The following MYO16 variants were observed in gnomAD, a reference collection of about 807,000 sequenced individuals.
The protein encoded by MYO16 is unconventional myosin-XVI.
MYO16 carries 94 observed loss-of-function variants against 205.3 expected under a neutral mutation model. That is an observed-to-expected ratio of 0.46 (90% CI 0.39 to 0.54). MYO16 has a LOEUF of 0.54. Ranked by LOEUF, MYO16 falls within the 20% of genes least tolerant of loss-of-function variation. The pLI, the probability that MYO16 is intolerant of heterozygous loss-of-function variation, is 0.00. For synonymous variants in MYO16, 988 were observed against 954.0 expected (o/e 1.04, Z -0.66); for missense variants, 2,315 against 2,387.5 (o/e 0.97, Z 0.63).
intron 32 of MYO16, among the ~76,000 whole-genome samples, chr13:109,149,844 A>C (rs965160278): frequency 6.6e-6 from 1 of 151,624 alleles, no homozygotes; most frequent in Non-Finnish European, 1.5e-5. Context: ...CACATCCAAA[A>C]CTCGTGTCTC....
chr13:109,166,135 A>G (rs1252861093), intron 33 of MYO16, among the ~76,000 whole-genome samples: 2 of 152,350 alleles, frequency 1.3e-5, no homozygotes, highest in East Asian at 1.9e-4. Context: ...ACGGCAGCCA[A>G]TTGCAATATG....
intron 21 of MYO16, among the ~76,000 whole-genome samples, chr13:109,007,182 A>G (rs1341760169): frequency 6.6e-6 from 1 of 152,056 alleles, no homozygotes; most frequent in African/African-American, 2.4e-5. Context: ...AGGTCAGGAG[A>G]TCTAGACCAA....
At chr13:108,682,250 A>T (rs1882491680) in intron 2 of MYO16, among the ~76,000 whole-genome samples, 1 of 152,228 alleles carries the variant, frequency 6.6e-6, no homozygotes, top group South Asian at 2.1e-4. Flanking sequence ...TCTGTTGAGA[A>T]ACATGATGAA....
chr13:108,503,120 G>A, the MYO16 span, among the ~76,000 whole-genome samples: 2 of 152,010 alleles, frequency 1.3e-5, no homozygotes, highest in African/African-American at 4.8e-5. Context: ...TGATATATGG[G>A]GTTTCCCTAA....
At chr13:108,501,556 T>A in the MYO16 span, among the ~76,000 whole-genome samples, 1 of 152,228 alleles carries the variant, frequency 6.6e-6, no homozygotes, top group Non-Finnish European at 1.5e-5. Context: ...AAGGTCTGAT[T>A]ATTTTCCCTG....
chr13:108,847,978 T>G (rs1201416834), intron 10 of MYO16, among the ~76,000 whole-genome samples: 1 of 152,194 alleles, frequency 6.6e-6, no homozygotes, highest in Non-Finnish European at 1.5e-5. Context: ...GGTGAAGTTA[T>G]GACAGCCTGG....
chr13:108,633,642 C>T (rs1230963252), intron 1 of MYO16, among the ~76,000 whole-genome samples: 2 of 152,162 alleles, frequency 1.3e-5, no homozygotes. Flanking sequence ...CACCCAGGAA[C>T]AATACTTTGC....
At chr13:108,510,485 T>TTTTTTTTA in the MYO16 span, among the ~76,000 whole-genome samples, 1 of 96,472 alleles carries the variant, frequency 1.0e-5, no homozygotes, top group East Asian at 3.3e-4. Flanking sequence ...TTTTTTTTTT[T>TTTTTTTTA]ATTGTACTTT....
chr13:109,023,387 A>C lies in MYO16; in HGVS notation c.2796+3476A>C, dbSNP rs1332745450. On this transcript the variant is annotated intron_variant, in intron 23 of 34. Coordinates refer to ENST00000457511, the MANE Select transcript of MYO16 (RefSeq NM_001198950.3). ...AAATATATATTTATATATTATACAG[A>C]TATAAATATATATTTATATATTATA... Among the ~76,000 whole-genome samples the C allele has an allele frequency of 7.3e-3, 485 of 66,784 alleles. 2 individuals carry two copies. The highest frequency in any genetic ancestry group is 0.022 in the African/African-American group (388 of 17,962). 43.8% of individuals were successfully genotyped at this position (66,784 alleles called of 152,430 possible). A position where few individuals can be genotyped will look rare whatever the true frequency, so the allele number is the denominator to read the frequency against.
intron 33 of MYO16, among the ~76,000 whole-genome samples, chr13:109,172,780 T>C (rs1168041176): frequency 1.3e-5 from 2 of 152,234 alleles, no homozygotes; most frequent in African/African-American, 4.8e-5. Context: ...GTTTTAGAGC[T>C]AGAAGAGTCA....
At chr13:108,506,765 C>T in the MYO16 span, among the ~76,000 whole-genome samples, 375 of 152,186 alleles carry the variant, frequency 2.5e-3, 1 homozygote, top group African/African-American at 8.8e-3. Context: ...TTCCTGATCT[C>T]AAAGAAAACA....
At chr13:109,171,694 A>G (rs993837191) in intron 33 of MYO16, among the ~76,000 whole-genome samples, 2 of 152,218 alleles carry the variant, frequency 1.3e-5, no homozygotes, top group Admixed American at 6.5e-5. Context: ...CAAACAAAAT[A>G]TTGTGAACAT....
intron 9 of MYO16, among the ~76,000 whole-genome samples, chr13:108,842,952 T>G (rs996774473): frequency 6.6e-6 from 1 of 152,136 alleles, no homozygotes; most frequent in Non-Finnish European, 1.5e-5. Flanking sequence ...TCATTTGCAG[T>G]GGATCAACAT....
chr13:108,520,137 T>A, the MYO16 span, among the ~76,000 whole-genome samples: 2 of 152,142 alleles, frequency 1.3e-5, no homozygotes, highest in African/African-American at 4.8e-5. Flanking sequence ...CCTCTCCTTT[T>A]TCTCTCTCCT....
chr13:108,659,804 A>C (rs1594184871), intron 1 of MYO16, among the ~76,000 whole-genome samples: 1 of 152,336 alleles, frequency 6.6e-6, no homozygotes, highest in South Asian at 2.1e-4. Flanking sequence ...CAGAGGCTGA[A>C]AGTAAGCAGG....
At chr13:108,501,554 AT>A in the MYO16 span, among the ~76,000 whole-genome samples, 1 of 152,332 alleles carries the variant, frequency 6.6e-6, no homozygotes, top group East Asian at 1.9e-4. Flanking sequence ...AAAAGGTCTG[AT>A]TATTTTCCCT....
chr13:109,081,528 G>C (rs1476904807), intron 27 of MYO16, among the ~76,000 whole-genome samples: 2 of 152,190 alleles, frequency 1.3e-5, no homozygotes, highest in Non-Finnish European at 2.9e-5. Flanking sequence ...TAGGAGAATA[G>C]CATGATACCT....
chr13:108,635,623 C>G (rs919074768), intron 1 of MYO16, among the ~76,000 whole-genome samples: 2 of 151,924 alleles, frequency 1.3e-5, no homozygotes, highest in Admixed American at 1.3e-4. Context: ...GCCTCAGCCT[C>G]CCAAGTAGCT....
the MYO16 span, among the ~76,000 whole-genome samples, chr13:108,567,984 G>A: frequency 1.3e-5 from 2 of 152,094 alleles, no homozygotes; most frequent in Non-Finnish European, 2.9e-5. Context: ...GTCTGGCTTT[G>A]TTCACTTAGT....
Sources: gnomAD v4.1 joint callset for allele counts (sites outside exome capture counted in the v4.1 genomes callset) on GRCh38, gnomAD v4.1.1 for gene constraint, MANE v1.5 for transcripts, NCBI Gene and HGNC (gene_info 2026-07-23, HGNC 2026-07-21) for gene names.